Variants in ADIPOR2 observed in about 807,000 individuals in gnomAD.
ADIPOR2 encodes the protein adiponectin receptor 2.
ADIPOR2 carries 18 observed loss-of-function variants against 40.9 expected under a neutral mutation model. The ratio of observed to expected loss-of-function variants is 0.44; its 90% CI spans 0.30 to 0.65. The LOEUF (loss-of-function observed/expected upper bound fraction) is 0.65, where lower values mean the gene tolerates loss of function less well. Ranked by LOEUF, ADIPOR2 falls within the 30% of genes least tolerant of loss-of-function variation. The pLI is 0.09. For missense variants in ADIPOR2, 283 were observed against 479.2 expected, an observed-to-expected ratio of 0.59 and a Z score of 3.82; for synonymous variants, 165 against 166.4, an observed-to-expected ratio of 0.99 and a Z score of 0.06.
chr12:1,784,975 G>T (rs3809266), intron 7 of ADIPOR2, among the ~76,000 whole-genome samples: 47,523 of 152,012 alleles, frequency 0.31, 8,163 homozygotes, highest in East Asian at 0.49. Context: ...CTTCAAATTA[G>T]CTAATTTATC....
At chr12:1,756,577 A>C (rs561001471) in intron 2 of ADIPOR2, among the ~76,000 whole-genome samples, 17 of 151,540 alleles carry the variant, frequency 1.1e-4, no homozygotes, top group Non-Finnish European at 2.1e-4. Flanking sequence ...ATACAGGTTT[A>C]TTCAGGGAAT....
intron 1 of ADIPOR2, among the ~76,000 whole-genome samples, chr12:1,749,644 C>T (rs562803772): frequency 3.3e-5 from 5 of 152,154 alleles, no homozygotes; most frequent in Admixed American, 2.6e-4. Flanking sequence ...AGGTCTTTTT[C>T]GATTGTTTTA....
In ADIPOR2 at chr12:1,715,579, C is replaced by T. The variant is rs984263192; in HGVS notation, c.-87+24388C>T. 5.9e-5 allele frequency among the ~76,000 whole-genome samples: 9 copies of T among 152,138 alleles called. 1 individual carries two copies. The highest frequency in any genetic ancestry group is 2.6e-4 in the Admixed American group (4 of 15,278). ...GCTTTGGCTGGCCTATAGAATTCCCCTCTGGAGGACACTACCACTGCAGGG... is the reference window on the plus strand; with the variant it reads ...GCTTTGGCTGGCCTATAGAATTCCCTTCTGGAGGACACTACCACTGCAGGG... On this transcript the variant is annotated intron_variant, in intron 1 of 7. Coordinates refer to ENST00000357103, the MANE Select transcript of ADIPOR2 (RefSeq NM_024551.3).
At chr12:1,715,951 CA>C (rs1464867192) in intron 1 of ADIPOR2, among the ~76,000 whole-genome samples, 1 of 152,096 alleles carries the variant, frequency 6.6e-6, no homozygotes, top group Non-Finnish European at 1.5e-5. Flanking sequence ...CCACCCCAGC[CA>C]GCAGCGGCAA....
intron 2 of ADIPOR2, among the ~76,000 whole-genome samples, chr12:1,764,728 C>T (rs1385315433): frequency 1.3e-5 from 2 of 152,130 alleles, no homozygotes; most frequent in Non-Finnish European, 2.9e-5. Context: ...AACCATTACC[C>T]TGACTTCTAA....
chr12:1,782,138 T>G (rs571759110), intron 6 of ADIPOR2, among the ~76,000 whole-genome samples: 2 of 152,338 alleles, frequency 1.3e-5, no homozygotes, highest in African/African-American at 4.8e-5. Flanking sequence ...AGTGCAAAAG[T>G]CTAGCAAATC....
intron 1 of ADIPOR2, among the ~76,000 whole-genome samples, chr12:1,702,143 A>T (rs2094651498): frequency 6.6e-6 from 1 of 151,886 alleles, no homozygotes. Context: ...AACAAACAGA[A>T]AAAACCCCAC....
At chr12:1,736,071 T>A (rs11061957) in intron 1 of ADIPOR2, among the ~76,000 whole-genome samples, 42,039 of 152,078 alleles carry the variant, frequency 0.28, 6,396 homozygotes, top group Admixed American at 0.44. Flanking sequence ...TTGTTTTGTC[T>A]CTGCCAGGCT....
chr12:1,699,317 C>T (rs1321027001), intron 1 of ADIPOR2, among the ~76,000 whole-genome samples: 2 of 152,122 alleles, frequency 1.3e-5, no homozygotes, highest in African/African-American at 4.8e-5. Context: ...GAAATACAAA[C>T]TTGAAAAACT....
At chr12:1,752,145 G>C (rs2094770679) in intron 1 of ADIPOR2, among the ~76,000 whole-genome samples, 2 of 149,136 alleles carry the variant, frequency 1.3e-5, no homozygotes, top group African/African-American at 4.9e-5. Context: ...TGGCCAGGAT[G>C]GTCTAGATCT....
intron 2 of ADIPOR2, among the ~76,000 whole-genome samples, chr12:1,763,778 A>G (rs1476918683): frequency 1.3e-5 from 2 of 152,152 alleles, no homozygotes; most frequent in Non-Finnish European, 2.9e-5. Context: ...CGGGAGTTTG[A>G]GACCAGCCTG....
chr12:1,731,679 G>T (rs751234939), intron 1 of ADIPOR2, among the ~76,000 whole-genome samples: 5 of 152,010 alleles, frequency 3.3e-5, no homozygotes, highest in South Asian at 2.1e-4. Context: ...ATTCCTTTTG[G>T]CCGGGTTCGG....
chr12:1,774,473 A>G, intron 3 of ADIPOR2, among the ~76,000 whole-genome samples: 1 of 152,192 alleles, frequency 6.6e-6, no homozygotes, highest in East Asian at 1.9e-4. Context: ...ATGGCAGTGC[A>G]ACTGACCACA....
At chr12:1,729,720 G>A (rs1185079343) in intron 1 of ADIPOR2, among the ~76,000 whole-genome samples, 1 of 130,888 alleles carries the variant, frequency 7.6e-6, no homozygotes, top group Non-Finnish European at 1.6e-5. Context: ...AACTAGTTTT[G>A]ATTCCCCAAA....
intron 6 of ADIPOR2, among the ~76,000 whole-genome samples, chr12:1,782,753 G>T (rs1391487782): frequency 6.6e-6 from 1 of 152,002 alleles, no homozygotes; most frequent in African/African-American, 2.4e-5. Flanking sequence ...GATGCTTCTG[G>T]AGGCAGTAAG....
At chr12:1,694,310 A>G (rs2094633493) in intron 1 of ADIPOR2, among the ~76,000 whole-genome samples, 2 of 152,372 alleles carry the variant, frequency 1.3e-5, no homozygotes, top group African/African-American at 4.8e-5. Flanking sequence ...TAGACAGTCC[A>G]GAGATATACT....
intron 2 of ADIPOR2, among the ~76,000 whole-genome samples, chr12:1,760,564 G>A (rs535060855): frequency 6.6e-6 from 1 of 152,256 alleles, no homozygotes; most frequent in East Asian, 1.9e-4. Flanking sequence ...TAAATAAATG[G>A]AAGTGTAAGG....
chr12:1,712,367 C>T (rs1440213552), intron 1 of ADIPOR2, among the ~76,000 whole-genome samples: 1 of 152,090 alleles, frequency 6.6e-6, no homozygotes, highest in African/African-American at 2.4e-5. Flanking sequence ...TCCTTTGGCA[C>T]CTAGTGTGCC....
intron 1 of ADIPOR2, among the ~76,000 whole-genome samples, chr12:1,709,779 G>A (rs1197996466): frequency 6.6e-6 from 1 of 152,162 alleles, no homozygotes; most frequent in African/African-American, 2.4e-5. Flanking sequence ...AAGTGCTTGA[G>A]TAGTATGATT....
Sources: gnomAD v4.1 joint callset for allele counts (sites outside exome capture counted in the v4.1 genomes callset) on GRCh38, gnomAD v4.1.1 for gene constraint, MANE v1.5 for transcripts, NCBI Gene and HGNC (gene_info 2026-07-23, HGNC 2026-07-21) for gene names.